XYLT1: variants seen among roughly 807,000 people sequenced by gnomAD.
XYLT1 encodes xylosyltransferase 1.
A neutral mutation model predicts 91.3 loss-of-function variants in XYLT1; 36 were observed. The observed-to-expected ratio is 0.39, with a 90% CI of 0.30 to 0.52. The LOEUF is 0.52. Among genes scored for constraint, XYLT1 ranks in the 20% least tolerant of loss-of-function variants. XYLT1 has a pLI of 0.68. For missense variants in XYLT1, 1,242 were observed against 1,284.5 expected (o/e 0.97, Z 0.51); for synonymous variants, 588 against 532.0 (o/e 1.11, Z -1.45).
At chr16:17,233,817 G>A (rs929626183) in intron 3 of XYLT1, among the ~76,000 whole-genome samples, 2 of 152,148 alleles carry the variant, frequency 1.3e-5, no homozygotes, top group South Asian at 2.1e-4. Flanking sequence ...TTGACATCCT[G>A]CCTGGCCCCT....
chr16:17,170,195 C>T (rs149682615), intron 5 of XYLT1, among the ~76,000 whole-genome samples: 237 of 152,290 alleles, frequency 1.6e-3, no homozygotes, highest in African/African-American at 4.8e-3. Context: ...CTATATTCTT[C>T]GCTAGAAATG....
chr16:17,308,445 TCTC>T (rs139998420), intron 2 of XYLT1, among the ~76,000 whole-genome samples: 58 of 152,262 alleles, frequency 3.8e-4, no homozygotes, highest in African/African-American at 1.3e-3. Context: ...TTACTTCCCT[TCTC>T]CTTAGAACCT....
intron 6 of XYLT1, among the ~76,000 whole-genome samples, chr16:17,157,064 C>T (rs146175691): frequency 0.022 from 3,334 of 152,172 alleles, 66 homozygotes; most frequent in South Asian, 0.058. Context: ...TCTCCTGCCT[C>T]AGCCTCCCAA....
At chr16:17,268,066 C>T (rs758305363) in intron 2 of XYLT1, among the ~76,000 whole-genome samples, 7 of 152,062 alleles carry the variant, frequency 4.6e-5, no homozygotes, top group African/African-American at 9.7e-5. Flanking sequence ...ACTATTTTCA[C>T]GATAATATAA....
chr16:17,189,503 A>T (rs1260426657), intron 5 of XYLT1, among the ~76,000 whole-genome samples: 1 of 152,192 alleles, frequency 6.6e-6, no homozygotes. Context: ...TCCTCAATTC[A>T]GGGCATACAG....
chr16:17,319,141 C>T (rs1814613548), intron 2 of XYLT1, among the ~76,000 whole-genome samples: 1 of 151,996 alleles, frequency 6.6e-6, no homozygotes, highest in South Asian at 2.1e-4. Flanking sequence ...ACTTTTTAAG[C>T]CTCAGTTTTC....
At position 17,455,203 on chromosome 16, in the gene XYLT1, TG is replaced by T. The variant is rs779395758; in HGVS notation, c.363+15230del. Among the ~76,000 whole-genome samples, 113 of 152,180 alleles carry T rather than the reference TG, an allele frequency of 7.4e-4. 1 individual carries two copies. The highest frequency in any genetic ancestry group is 1.5e-3 in the Non-Finnish European group (103 of 68,008). Reference sequence around the variant, plus strand: ...TGGACGTGGCCGGGATCCCGGGGGCTGGTGGGCTCTGAATTCGGGTGCTGGT... The same window carrying T: ...TGGACGTGGCCGGGATCCCGGGGGCTGTGGGCTCTGAATTCGGGTGCTGGT... On this transcript the variant is annotated intron_variant, in intron 1 of 11. Transcript: ENST00000261381.
chr16:17,281,886 G>A (rs1002739053), intron 2 of XYLT1, among the ~76,000 whole-genome samples: 5 of 152,118 alleles, frequency 3.3e-5, no homozygotes, highest in Admixed American at 1.3e-4. Flanking sequence ...ATGCTGTAGG[G>A]TTCTATGGTT....
chr16:17,184,821 A>T (rs748434823), intron 5 of XYLT1, among the ~76,000 whole-genome samples: 27 of 152,224 alleles, frequency 1.8e-4, no homozygotes, highest in Non-Finnish European at 3.5e-4. Context: ...CTCAAGAGAG[A>T]ACTATCACAT....
intron 3 of XYLT1, among the ~76,000 whole-genome samples, chr16:17,256,142 G>A (rs1343614772): frequency 1.3e-5 from 2 of 152,188 alleles, no homozygotes; most frequent in South Asian, 2.1e-4. Flanking sequence ...AGATGGGGGG[G>A]CCATAAGGAA....
At chr16:17,400,664 GAAGGAAGGAAGGAACT>G (rs1446390851) in intron 1 of XYLT1, among the ~76,000 whole-genome samples, 125 of 129,334 alleles carry the variant, frequency 9.7e-4, no homozygotes, top group African/African-American at 3.6e-3. Context: ...AGGAAGGAAG[GAAGGAAGGAAGGAACT>G]AACTAACTTG....
intron 2 of XYLT1, among the ~76,000 whole-genome samples, chr16:17,317,469 C>T (rs1172628454): frequency 6.6e-6 from 1 of 151,044 alleles, no homozygotes; most frequent in Non-Finnish European, 1.5e-5. Flanking sequence ...CTCATCACTA[C>T]ACAAAATACA....
Position 17,398,079 on chromosome 16 carries a change from G to A in XYLT1, c.364-40029C>T, listed in dbSNP as rs114180646. On this transcript the variant is annotated intron_variant, in intron 1 of 11. Coordinates refer to ENST00000261381, the MANE Select transcript of XYLT1 (RefSeq NM_022166.4). ...TCGTGAACAGCTCTTTCACATATAC[G>A]AGTCCAGATTGGAAAATGCAGACCT... Among the ~76,000 whole-genome samples, 561 of 152,032 alleles carry A rather than the reference G, an allele frequency of 3.7e-3. 2 individuals carry two copies. The highest frequency in any genetic ancestry group is 0.013 in the African/African-American group (531 of 41,438).
chr16:17,361,822 T>C (rs1053834639), intron 1 of XYLT1, among the ~76,000 whole-genome samples: 1 of 152,274 alleles, frequency 6.6e-6, no homozygotes, highest in Admixed American at 6.5e-5. Flanking sequence ...CTTTGTCCTA[T>C]GGGCATATTA....
intron 1 of XYLT1, among the ~76,000 whole-genome samples, chr16:17,461,668 A>G (rs1471052662): frequency 3.9e-5 from 6 of 152,050 alleles, no homozygotes; most frequent in African/African-American, 9.7e-5. Flanking sequence ...GGATGGATGG[A>G]TGGGTGGACA....
chr16:17,247,155 T>TCA (rs1163376258), intron 3 of XYLT1, among the ~76,000 whole-genome samples: 1,542 of 87,090 alleles, frequency 0.018, 31 homozygotes, highest in African/African-American at 0.082. Flanking sequence ...ATTCATTCAT[T>TCA]TATTCATTCA....
chr16:17,150,483 A>C (rs780225461), intron 6 of XYLT1, among the ~76,000 whole-genome samples: 1 of 152,228 alleles, frequency 6.6e-6, no homozygotes, highest in Non-Finnish European at 1.5e-5. Flanking sequence ...AAATAATAAC[A>C]GCTACCATTT....
intron 1 of XYLT1, among the ~76,000 whole-genome samples, chr16:17,402,143 A>G (rs1284087612): frequency 7.6e-6 from 1 of 132,258 alleles, no homozygotes; most frequent in East Asian, 2.0e-4. Context: ...TACAAAAAAA[A>G]AAAACACACA....
At chr16:17,170,277 T>C (rs1436822367) in intron 5 of XYLT1, among the ~76,000 whole-genome samples, 4 of 152,272 alleles carry the variant, frequency 2.6e-5, no homozygotes. Context: ...TACACACTTG[T>C]GGTTCCTAGC....
Sources: allele counts gnomAD v4.1 joint callset (sites outside exome capture counted in the v4.1 genomes callset), GRCh38; gene constraint gnomAD v4.1.1; transcripts MANE v1.5; gene names NCBI Gene and HGNC (gene_info 2026-07-23, HGNC 2026-07-21).